Variants in ACO2 observed in about 807,000 individuals in gnomAD.
ACO2 encodes the protein aconitate hydratase, mitochondrial.
ACO2 carries 31 observed loss-of-function variants against 84.5 expected under a neutral mutation model. The ratio of observed to expected loss-of-function variants is 0.37; its 90% CI spans 0.28 to 0.50. The LOEUF (loss-of-function observed/expected upper bound fraction) is 0.50. ACO2 is among the 20% of genes least tolerant of loss of function. ACO2 has a pLI of 0.97. For synonymous variants in ACO2, 414 were observed against 412.7 expected, an observed-to-expected ratio of 1.00 and a Z score of -0.04; for missense variants, 685 against 1,029.3, an observed-to-expected ratio of 0.67 and a Z score of 4.58.
intron 1 of ACO2, among the ~76,000 whole-genome samples, chr22:41,470,153 C>T (rs951185848): frequency 6.6e-6 from 1 of 152,168 alleles, no homozygotes; most frequent in African/African-American, 2.4e-5. Flanking sequence ...TCTAACTTGA[C>T]AGCCCTGGGA....
chr22:41,499,834 G>C lies in ACO2; in HGVS notation c.145G>C (p.Glu49Gln). Residue 49 changes from glutamate to glutamine, a missense_variant, in exon 2 of 18, where the codon GAG (glutamate) becomes CAG (glutamine). Coordinates refer to ENST00000216254, the MANE Select transcript of ACO2 (RefSeq NM_001098.3). ...PNEYIHYDLL[E>Q]KNINIVRKRL... ...CGAGTACATCCATTATGACCTGCTA[G>C]AGAAGAACATTAACATTGTTCGCAA... is the stretch of plus-strand genomic sequence containing the variant. 6.2e-7 allele frequency: 1 copy of C among 1,614,170 alleles called. No individual in the cohort carries two copies. The highest frequency in any genetic ancestry group is 8.5e-7 in the Non-Finnish European group (1 of 1,180,030).
chr22:41,500,605 G>A (rs1033449614), intron 2 of ACO2, among the ~76,000 whole-genome samples: 6 of 151,908 alleles, frequency 3.9e-5, no homozygotes, highest in African/African-American at 1.2e-4. Flanking sequence ...GGCTGGTCTC[G>A]AATTCCTGAG....
chr22:41,504,382 GATGGAT>G (rs2066376741), intron 2 of ACO2, among the ~76,000 whole-genome samples: 1 of 152,362 alleles, frequency 6.6e-6, no homozygotes, highest in African/African-American at 2.4e-5. Flanking sequence ...CAGAGGGACA[GATGGAT>G]ATGAAGACCC....
At chr22:41,487,823 A>G (rs2066241314) in intron 1 of ACO2, among the ~76,000 whole-genome samples, 1 of 152,108 alleles carries the variant, frequency 6.6e-6, no homozygotes, top group Admixed American at 6.6e-5. Context: ...CTCACCGTGC[A>G]TGCCTGCTCT....
rs1043447527 is a variant in ACO2, at chr22:41,526,175, G to A, written c.1762-87G>A. On this transcript the variant is annotated intron_variant, in intron 14 of 17. Transcript: ENST00000216254. ...CCCTCTGTCACCCCTCCTGGGCCCCGGGGCCTGCTGCCTGCCTCTGGAGGG... is the reference window on the plus strand; with the variant it reads ...CCCTCTGTCACCCCTCCTGGGCCCCAGGGCCTGCTGCCTGCCTCTGGAGGG... The A allele has an allele frequency of 1.0e-4, 132 of 1,271,642 alleles. No homozygotes were observed. The Admixed American group carries it at 1.2e-3, about 12-fold the overall frequency. The allele number at this position is 1,271,642 out of a possible 1,614,324, so 78.8% of individuals were successfully genotyped here. A position where few individuals can be genotyped will look rare whatever the true frequency, so the allele number is the denominator to read the frequency against.
intron 2 of ACO2, 112 bp from the exon 3 acceptor site, chr22:41,507,679 C>G: frequency 6.9e-7 from 1 of 1,447,328 alleles, no homozygotes; most frequent in Non-Finnish European, 9.3e-7. Flanking sequence ...TGAGTTCAGA[C>G]TCCCTGTCCC....
intron 1 of ACO2, among the ~76,000 whole-genome samples, chr22:41,497,953 G>C (rs2066326996): frequency 6.6e-6 from 1 of 151,984 alleles, no homozygotes. Flanking sequence ...AGAACATCCT[G>C]GCCAACATGG....
chr22:41,520,359 C>A, intron 9 of ACO2, 83 bp downstream of exon 9: 2 of 1,048,942 alleles, frequency 1.9e-6, no homozygotes, highest in South Asian at 1.6e-5. Context: ...CCTATGCCTA[C>A]TGTGTGGCAC....
chr22:41,497,291 A>T lies in ACO2; in HGVS notation c.37-2435A>T, dbSNP rs1049895215. Among the ~76,000 whole-genome samples, 6 of 151,890 alleles carry T rather than the reference A, an allele frequency of 4.0e-5. No homozygotes were observed. The South Asian group carries it at 1.2e-3, about 32-fold the overall frequency. On this transcript the variant is annotated intron_variant, in intron 1 of 17. Transcript: ENST00000216254. The stretch of plus-strand genomic sequence containing the variant: ...ACCACGTTGGCCAGGCTGGTTTCAA[A>T]TTGCTGACCTCAGGCGATCCACCTG...
intron 1 of ACO2, chr22:41,469,481 C>T (rs1479347277): frequency 1.3e-5 from 5 of 395,810 alleles, no homozygotes; most frequent in Non-Finnish European, 2.3e-5. Flanking sequence ...ATTGCCTGCT[C>T]CCGTGGGGTG....
chr22:41,521,035 C>CAAAAAAAA (rs375633363), intron 9 of ACO2, among the ~76,000 whole-genome samples: 4 of 81,616 alleles, frequency 4.9e-5, no homozygotes, highest in Non-Finnish European at 8.9e-5. Context: ...AGCCTGCCTC[C>CAAAAAAAA]AAAAAAAAAA....
chr22:41,515,617 A>T lies in ACO2; in HGVS notation c.684+82A>T, dbSNP rs73887733. ...TGAACGGGAGACGGTGGGACCCAGG[A>T]GGGAAAAGGGAACAAGTTAGACTCG... is the stretch of plus-strand genomic sequence containing the variant. On this transcript the variant is annotated intron_variant, in intron 5 of 17. Coordinates refer to ENST00000216254, the MANE Select transcript of ACO2 (RefSeq NM_001098.3). The surrounding 1 kb of genome is among the most constrained non-coding windows in gnomAD (Gnocchi z 5.8). The T allele has an allele frequency of 2.2e-3, 3,396 of 1,572,802 alleles. 59 individuals are homozygous for T. In the African/African-American group the frequency reaches 0.041, roughly 19 times the overall value.
At position 41,476,890 on chromosome 22, in the gene ACO2, T is replaced by A. The variant is rs574840127; in HGVS notation, c.36+7708T>A. On this transcript the variant is annotated intron_variant, in intron 1 of 17. Transcript: ENST00000216254. ...TGGGCCAGGCATGGTAGCTCACGGC[T>A]GTAATCCCAGGACTTTGGGAGGCCG... 4.0e-5 allele frequency among the ~76,000 whole-genome samples: 6 copies of A among 151,770 alleles called. No homozygotes were observed. The East Asian group carries it at 1.2e-3, about 30-fold the overall frequency.
intron 1 of ACO2, 82 bp downstream of exon 1, chr22:41,469,264 G>T: frequency 6.6e-7 from 1 of 1,525,794 alleles, no homozygotes; most frequent in Non-Finnish European, 8.9e-7. Flanking sequence ...GGCAGGGCGA[G>T]GCGGGCCCAA....
At position 41,508,096 on chromosome 22, in the gene ACO2, C is replaced by A. The variant is rs376128073; in HGVS notation, c.432+47C>A. The A allele has an allele frequency of 4.4e-6, 7 of 1,574,832 alleles. No individual in the cohort carries two copies. In the African/African-American group the frequency reaches 8.1e-5, roughly 18 times the overall value. ...GGGTGGGCAAGTGGGCAAGACTGGG[C>A]GAGAGGCCTCACCCTCACACTGGAG... On this transcript the variant is annotated intron_variant, in intron 3 of 17. Coordinates refer to ENST00000216254, the MANE Select transcript of ACO2 (RefSeq NM_001098.3).
At position 41,520,785 on chromosome 22, in the gene ACO2, T is replaced by A. The variant is rs554572536; in HGVS notation, c.1138+509T>A. Among the ~76,000 whole-genome samples, 605 of 150,256 alleles carry A rather than the reference T, an allele frequency of 4.0e-3. 3 individuals carry two copies. The highest frequency in any genetic ancestry group is 6.0e-3 in the Non-Finnish European group (407 of 67,708). The stretch of plus-strand genomic sequence containing the variant: ...TGAACCCAGGAGGCGGAGGTTGCAA[T>A]GAACCGAGATTGTGTCACTGCACTC... On this transcript the variant is annotated intron_variant, in intron 9 of 17. Transcript: ENST00000216254.
Position 41,515,745 on chromosome 22 carries a change from C to A in ACO2, c.685-22C>A. 1 of 1,612,460 alleles carries A rather than the reference C, an allele frequency of 6.2e-7. No individual in the cohort carries two copies. Among genetic ancestry groups the A allele is most frequent in the Non-Finnish European group, 8.5e-7 (1 of 1,179,856 alleles). On this transcript the variant is annotated intron_variant, in intron 5 of 17. Transcript: ENST00000216254. The surrounding 1 kb of genome is among the most constrained non-coding windows in gnomAD (Gnocchi z 5.8). The stretch of plus-strand genomic sequence containing the variant: ...ACAGGCACACACGGCCTCTCACAGC[C>A]GCCTCGCCCCCTCCTGTCCAGGTGA...
chr22:41,518,709 G>A, intron 8 of ACO2, 137 bp downstream of exon 8: 3 of 684,026 alleles, frequency 4.4e-6, no homozygotes, highest in Non-Finnish European at 7.7e-6. Flanking sequence ...CAAGGCAGGT[G>A]GGTCAGTTGA....
intron 6 of ACO2, chr22:41,517,254 G>A: frequency 2.3e-6 from 1 of 437,670 alleles, no homozygotes; most frequent in Non-Finnish European, 4.3e-6. Flanking sequence ...AGCTCAGTGT[G>A]TGGGGGCTGA....
Sources: gnomAD v4.1 joint callset for allele counts (sites outside exome capture counted in the v4.1 genomes callset) on GRCh38, gnomAD v4.1.1 for gene constraint, Gnocchi (gnomAD v3.1) non-coding constraint, MANE v1.5 for transcripts, NCBI Gene and HGNC (gene_info 2026-07-23, HGNC 2026-07-21) for gene names.